Variants in NDFIP2 observed in about 807,000 individuals in gnomAD.
The protein encoded by NDFIP2 is Nedd4 family interacting protein 2.
NDFIP2 carries 19 observed loss-of-function variants against 36.0 expected under a neutral mutation model. The ratio of observed to expected loss-of-function variants is 0.53; its 90% CI spans 0.37 to 0.77. NDFIP2 has a LOEUF of 0.77. Ranked by LOEUF, NDFIP2 falls within the 30% of genes least tolerant of loss-of-function variation. NDFIP2 has a pLI of 0.00. For missense variants in NDFIP2, 446 were observed against 435.8 expected (o/e 1.02, Z -0.21); for synonymous variants, 181 against 167.7 (o/e 1.08, Z -0.61).
intron 3 of NDFIP2, among the ~76,000 whole-genome samples, chr13:79,534,517 T>C (rs1165555163): frequency 6.6e-6 from 1 of 152,052 alleles, no homozygotes; most frequent in Non-Finnish European, 1.5e-5. Context: ...TAATGGAGAG[T>C]CAGTGAGATA....
chr13:79,508,567 A>T (rs1873957750), intron 1 of NDFIP2, among the ~76,000 whole-genome samples: 3 of 152,148 alleles, frequency 2.0e-5, no homozygotes, highest in African/African-American at 7.2e-5. Context: ...AACTGTCAAG[A>T]TGCTTGCTGG....
chr13:79,538,191 C>A (rs59783325), intron 3 of NDFIP2, among the ~76,000 whole-genome samples: 10,143 of 152,176 alleles, frequency 0.067, 707 homozygotes, highest in African/African-American at 0.17. Context: ...TCACCTCCTA[C>A]CAGGCCCAAT....
At chr13:79,504,509 C>T (rs192996547) in intron 1 of NDFIP2, among the ~76,000 whole-genome samples, 3 of 152,242 alleles carry the variant, frequency 2.0e-5, no homozygotes, top group Admixed American at 2.0e-4. Flanking sequence ...AAACATATTT[C>T]ACCAGTTTTC....
In NDFIP2 at chr13:79,520,858, C is replaced by T. The variant is rs55887763; in HGVS notation, c.370C>T (p.Pro124Ser). ...AGAATCATCGGCTATAGAGCAGCCA[C>T]CTACTTCAAACCCAGCACCGCAGAT... ...NSESSAIEQPPTSNPAPQIVQ... is the reference protein window; with the variant it reads ...NSESSAIEQPSTSNPAPQIVQ... The change falls in exon 2 of 8, where the codon CCT becomes TCT. Residue 124 changes from proline to serine, a missense_variant. Pro to Ser is a moderately conservative substitution (Grantham distance 74). Transcript: ENST00000218652. 13,243 of 1,613,966 alleles carry T rather than the reference C, an allele frequency of 8.2e-3. 964 individuals are homozygous for T. The African/African-American group carries it at 0.16, about 19-fold the overall frequency.
At chr13:79,499,638 C>A (rs543754721) in intron 1 of NDFIP2, among the ~76,000 whole-genome samples, 11 of 151,810 alleles carry the variant, frequency 7.2e-5, no homozygotes, top group African/African-American at 2.7e-4. Flanking sequence ...AGCATCCCCC[C>A]AAAAGAAATA....
intron 1 of NDFIP2, among the ~76,000 whole-genome samples, chr13:79,485,080 C>T (rs1359003998): frequency 6.6e-6 from 1 of 152,186 alleles, no homozygotes; most frequent in East Asian, 1.9e-4. Context: ...GCAGCACGAA[C>T]ATCAGCATAT....
chr13:79,488,270 A>C (rs1482475034), intron 1 of NDFIP2, among the ~76,000 whole-genome samples: 1 of 152,172 alleles, frequency 6.6e-6, no homozygotes, highest in Non-Finnish European at 1.5e-5. Context: ...TATTATGTCA[A>C]TTTGGGTTGC....
chr13:79,553,322 TA>T lies in NDFIP2; in HGVS notation c.*810del, dbSNP rs1204801363. On this transcript the variant is annotated 3_prime_UTR_variant, in exon 8 of 8. Coordinates refer to ENST00000218652, the MANE Select transcript of NDFIP2 (RefSeq NM_019080.3). ...TGTCCTTTATAAGAAAAATAAATTTTATTTTAAGGGACATACTAGTTTTAGG... is the reference window on the plus strand; with the variant it reads ...TGTCCTTTATAAGAAAAATAAATTTTTTTTAAGGGACATACTAGTTTTAGG... The T allele has an allele frequency of 6.6e-6, 1 of 151,274 alleles. No individual in the cohort carries two copies. The highest frequency in any genetic ancestry group is 1.5e-5 in the Non-Finnish European group (1 of 67,388). 9.4% of individuals were successfully genotyped at this position (151,274 alleles called of 1,614,324 possible). A position where few individuals can be genotyped will look rare whatever the true frequency, so the allele number is the denominator to read the frequency against.
chr13:79,543,666 G>A lies in NDFIP2; in HGVS notation c.824G>A (p.Trp275Ter). 6.2e-7 allele frequency: 1 copy of A among 1,613,736 alleles called. No homozygotes were observed. The highest frequency in any genetic ancestry group is 1.7e-5 in the Admixed American group (1 of 59,990). The stretch of plus-strand genomic sequence containing the variant: ...GGATTTGGCCTTTCCTTGATCAAAT[G>A]GATCCTTATTGTCAGGGTGAGTGTC... The part of the protein sequence containing the change: ...ICGFGLSLIK[W>*]ILIVRFSDYF... The change falls in exon 5 of 8, where the codon TGG becomes TAG. Residue 275 changes from tryptophan (W) to a stop codon, truncating the protein, a stop_gained. Transcript: ENST00000218652. LOFTEE classifies it high-confidence loss of function.
intron 2 of NDFIP2, among the ~76,000 whole-genome samples, chr13:79,530,800 C>T (rs1874985436): frequency 6.6e-6 from 1 of 152,100 alleles, no homozygotes; most frequent in African/African-American, 2.4e-5. Context: ...GCTGTTTCTC[C>T]CACGTCTGCA....
At chr13:79,514,379 A>G (rs1046850317) in intron 1 of NDFIP2, among the ~76,000 whole-genome samples, 4 of 152,150 alleles carry the variant, frequency 2.6e-5, no homozygotes, top group Admixed American at 2.0e-4. Flanking sequence ...CTTTTATTTA[A>G]TATTTTCACA....
chr13:79,526,973 C>T (rs1443079110), intron 2 of NDFIP2, among the ~76,000 whole-genome samples: 2 of 152,162 alleles, frequency 1.3e-5, no homozygotes, highest in Non-Finnish European at 2.9e-5. Flanking sequence ...AATTCGAACT[C>T]AGATGTATCT....
intron 1 of NDFIP2, among the ~76,000 whole-genome samples, chr13:79,514,009 T>C (rs1038175922): frequency 2.0e-5 from 3 of 152,216 alleles, no homozygotes; most frequent in Non-Finnish European, 4.4e-5. Context: ...AGTATATTTA[T>C]GTTGCAGTTT....
chr13:79,550,488 A>G (rs1390974075), intron 6 of NDFIP2, among the ~76,000 whole-genome samples: 2 of 151,708 alleles, frequency 1.3e-5, no homozygotes, highest in Non-Finnish European at 3.0e-5. Context: ...AAAAATATGT[A>G]CATAATGCAC....
In NDFIP2 at chr13:79,505,472, A is replaced by C. The variant is rs74441405; in HGVS notation, c.322-15338A>C. On this transcript the variant is annotated intron_variant, in intron 1 of 7. Transcript: ENST00000218652. ...TAGCAAGACTTCAGCTCTACAAAAA[A>C]AATGTAATAAATTGACCAGATATGA... 1.2e-3 allele frequency among the ~76,000 whole-genome samples: 180 copies of C among 152,220 alleles called. 5 individuals are homozygous for C. The East Asian group carries it at 0.031, about 26-fold the overall frequency.
chr13:79,533,574 T>C (rs1875106530), intron 3 of NDFIP2, 118 bp downstream of exon 3: 13 of 887,796 alleles, frequency 1.5e-5, no homozygotes, highest in Non-Finnish European at 2.1e-5. Flanking sequence ...TTTTTGAGCA[T>C]TATGGGTTTA....
chr13:79,539,436 GT>G (rs1417826450), intron 3 of NDFIP2, among the ~76,000 whole-genome samples: 1 of 152,018 alleles, frequency 6.6e-6, no homozygotes, highest in Non-Finnish European at 1.5e-5. Flanking sequence ...ATTTTTATGA[GT>G]TTGATGTTAT....
intron 5 of NDFIP2, among the ~76,000 whole-genome samples, chr13:79,546,052 T>G (rs1401653151): frequency 1.3e-5 from 2 of 152,218 alleles, no homozygotes; most frequent in Non-Finnish European, 2.9e-5. Context: ...TAATGTGAAT[T>G]GACATCTACC....
intron 2 of NDFIP2, among the ~76,000 whole-genome samples, chr13:79,530,161 T>C (rs1874959848): frequency 6.6e-6 from 1 of 152,210 alleles, no homozygotes; most frequent in South Asian, 2.1e-4. Context: ...CTTTTCTTTT[T>C]TTTTAGAGAC....
Sources: allele counts gnomAD v4.1 joint callset (sites outside exome capture counted in the v4.1 genomes callset), GRCh38; gene constraint gnomAD v4.1.1; transcripts MANE v1.5; gene names NCBI Gene and HGNC (gene_info 2026-07-23, HGNC 2026-07-21).